The following SRGAP2 variants were observed in gnomAD, a reference collection of about 807,000 sequenced individuals.
SRGAP2 encodes SLIT-ROBO Rho GTPase activating protein 2, also known as SLIT-ROBO Rho GTPase-activating protein 2.
SRGAP2 carries 15 observed loss-of-function variants against 57.2 expected under a neutral mutation model. The observed-to-expected ratio is 0.26, with a 90% CI of 0.18 to 0.40. SRGAP2 has a LOEUF of 0.40. SRGAP2 is among the 10% of genes least tolerant of loss of function. SRGAP2 has a pLI of 1.00. For missense variants in SRGAP2, 520 were observed against 669.6 expected (o/e 0.78, Z 2.47); for synonymous variants, 249 against 248.0 (o/e 1.00, Z -0.04).
intron 3 of SRGAP2, among the ~76,000 whole-genome samples, chr1:206,341,978 A>G (rs2102916914): frequency 6.6e-6 from 1 of 152,222 alleles, no homozygotes; most frequent in South Asian, 2.1e-4. Flanking sequence ...AGCCTGGGTG[A>G]CAGAGTGAGA....
At chr1:206,364,718 A>G (rs1434370097) in intron 4 of SRGAP2, among the ~76,000 whole-genome samples, 1 of 150,384 alleles carries the variant, frequency 6.6e-6, no homozygotes, top group Non-Finnish European at 1.5e-5. Flanking sequence ...GCTGAGAGCT[A>G]TTTCTAATCT....
chr1:206,354,243 T>C (rs1553338868), intron 4 of SRGAP2, among the ~76,000 whole-genome samples: 1 of 152,228 alleles, frequency 6.6e-6, no homozygotes, highest in Non-Finnish European at 1.5e-5. Flanking sequence ...GGTGTACTTA[T>C]CTTCCTCTGA....
chr1:206,412,515 G>C (rs894791156), intron 10 of SRGAP2, among the ~76,000 whole-genome samples: 14 of 152,140 alleles, frequency 9.2e-5, no homozygotes, highest in Non-Finnish European at 1.2e-4. Context: ...TTGATTTTGG[G>C]TGTTTGGTGA....
At chr1:206,204,833 C>G (rs1345986827) in intron 1 of SRGAP2, 29 of 131,946 alleles carry the variant, frequency 2.2e-4, no homozygotes, top group Admixed American at 2.1e-3. Context: ...TCCTCTAACC[C>G]GTTTCCTGCT....
chr1:206,348,155 G>C (rs1252256886), intron 4 of SRGAP2, among the ~76,000 whole-genome samples: 1 of 147,976 alleles, frequency 6.8e-6, no homozygotes, highest in Non-Finnish European at 1.5e-5. Flanking sequence ...GATTCCTTTA[G>C]CTAAATATAA....
chr1:206,260,460 C>G (rs1191136015), intron 2 of SRGAP2, among the ~76,000 whole-genome samples: 2 of 152,074 alleles, frequency 1.3e-5, no homozygotes, highest in East Asian at 3.8e-4. Context: ...ACCCCTGCTC[C>G]TTATTGTGGG....
At chr1:206,225,657 A>G (rs1163130875) in intron 2 of SRGAP2, among the ~76,000 whole-genome samples, 1 of 152,008 alleles carries the variant, frequency 6.6e-6, no homozygotes, top group East Asian at 1.9e-4. Context: ...AAACTGTGAA[A>G]TAGATGACAC....
At chr1:206,422,037 A>G (rs1175008849) in intron 13 of SRGAP2, among the ~76,000 whole-genome samples, 1 of 152,246 alleles carries the variant, frequency 6.6e-6, no homozygotes, top group Admixed American at 6.5e-5. Flanking sequence ...AGCTCATACC[A>G]GCTATGCAGT....
chr1:206,230,707 ACCT>A (rs1553306780), intron 2 of SRGAP2, among the ~76,000 whole-genome samples: 1 of 140,666 alleles, frequency 7.1e-6, no homozygotes, highest in African/African-American at 2.7e-5. Context: ...GCTCACTGCA[ACCT>A]CCACCTCCCG....
intron 13 of SRGAP2, among the ~76,000 whole-genome samples, chr1:206,428,136 G>T (rs559203060): frequency 6.6e-6 from 1 of 152,070 alleles, no homozygotes; most frequent in South Asian, 2.1e-4. Flanking sequence ...TATAAAATAG[G>T]CCGGGCGTGG....
chr1:206,456,398 G>A (rs1663835179), intron 21 of SRGAP2, among the ~76,000 whole-genome samples: 1 of 152,068 alleles, frequency 6.6e-6, no homozygotes, highest in African/African-American at 2.4e-5. Context: ...AGTAACTGTG[G>A]GCTAATCACA....
At chr1:206,220,473 C>T (rs187970998) in intron 2 of SRGAP2, among the ~76,000 whole-genome samples, 13 of 152,258 alleles carry the variant, frequency 8.5e-5, no homozygotes, top group Non-Finnish European at 1.5e-4. Context: ...AGTGTCAGAT[C>T]TCTGAGAGAT....
At chr1:206,344,067 G>A (rs570508199) in intron 4 of SRGAP2, among the ~76,000 whole-genome samples, 56 of 152,218 alleles carry the variant, frequency 3.7e-4, no homozygotes, top group Admixed American at 5.9e-4. Context: ...GATTGTAGTC[G>A]ATACAGTCAA....
chr1:206,418,386 AG>A (rs1553362832), intron 11 of SRGAP2, among the ~76,000 whole-genome samples: 4 of 152,250 alleles, frequency 2.6e-5, no homozygotes, highest in Non-Finnish European at 5.9e-5. Context: ...CAACCTTTAA[AG>A]GCAAGAAAAT....
At chr1:206,410,601 T>A (rs995574535) in intron 10 of SRGAP2, among the ~76,000 whole-genome samples, 2 of 152,334 alleles carry the variant, frequency 1.3e-5, no homozygotes, top group Admixed American at 1.3e-4. Flanking sequence ...TAAATTACAT[T>A]AGAAATGTAA....
intron 11 of SRGAP2, among the ~76,000 whole-genome samples, chr1:206,417,961 T>G (rs1309545639): frequency 6.6e-6 from 1 of 151,362 alleles, no homozygotes; most frequent in African/African-American, 2.4e-5. Flanking sequence ...ACAAATGCAT[T>G]CATATGCGCT....
chr1:206,287,147 G>A (rs1671072865), intron 2 of SRGAP2, among the ~76,000 whole-genome samples: 1 of 152,206 alleles, frequency 6.6e-6, no homozygotes, highest in African/African-American at 2.4e-5. Flanking sequence ...TGTAAGAGAA[G>A]AGTCAATAAT....
At chr1:206,436,531 T>C (rs1299108148) in intron 14 of SRGAP2, among the ~76,000 whole-genome samples, 1 of 152,070 alleles carries the variant, frequency 6.6e-6, no homozygotes. Context: ...CTTTAAAACA[T>C]TTTTTAGAGA....
chr1:206,455,052 C>T (rs1553377911), intron 21 of SRGAP2, 28 bp downstream of exon 21: 3 of 780,420 alleles, frequency 3.8e-6, no homozygotes, highest in Non-Finnish European at 2.4e-6. Context: ...TTTTCTGCTC[C>T]CCTGAATGAC....
Sources: gnomAD v4.1 joint callset for allele counts (sites outside exome capture counted in the v4.1 genomes callset) on GRCh38, gnomAD v4.1.1 for gene constraint, MANE v1.5 for transcripts, NCBI Gene and HGNC (gene_info 2026-07-23, HGNC 2026-07-21) for gene names.